The following SNTG1 variants were observed in gnomAD, a reference collection of about 807,000 sequenced individuals.
The protein encoded by SNTG1 is gamma-1-syntrophin.
In SNTG1, 39 loss-of-function variants were observed where a neutral mutation model predicts 74.7. The observed-to-expected ratio is 0.52, with a 90% CI of 0.40 to 0.68. The LOEUF (loss-of-function observed/expected upper bound fraction) is 0.68. Ranked by LOEUF, SNTG1 falls within the 30% of genes least tolerant of loss-of-function variation. The probability of loss-of-function intolerance (pLI) is 0.00; values close to 1 mark genes in which losing one functional copy is unlikely to be tolerated. For missense variants in SNTG1, 685 were observed against 609.5 expected, an observed-to-expected ratio of 1.12 and a Z score of -1.30; for synonymous variants, 254 against 217.1, an observed-to-expected ratio of 1.17 and a Z score of -1.49.
At chr8:50,678,086 C>T (rs1277161275) in intron 15 of SNTG1, among the ~76,000 whole-genome samples, 1 of 151,056 alleles carries the variant, frequency 6.6e-6, no homozygotes, top group East Asian at 2.0e-4. Flanking sequence ...GCACATGTAT[C>T]CCGGAACTTA....
At chr8:49,996,962 A>G (rs1814281456) in intron 1 of SNTG1, among the ~76,000 whole-genome samples, 2 of 152,172 alleles carry the variant, frequency 1.3e-5, no homozygotes, top group Admixed American at 6.6e-5. Context: ...AACTTGTTTT[A>G]TGCTATTTAA....
At chr8:50,559,272 C>T (rs1031635859) in intron 12 of SNTG1, among the ~76,000 whole-genome samples, 1 of 152,020 alleles carries the variant, frequency 6.6e-6, no homozygotes, top group Non-Finnish European at 1.5e-5. Context: ...ATTGCAAAAG[C>T]AATAACAAAA....
At chr8:50,750,201 T>G (rs1207679002) in intron 17 of SNTG1, among the ~76,000 whole-genome samples, 1 of 151,942 alleles carries the variant, frequency 6.6e-6, no homozygotes, top group African/African-American at 2.4e-5. Flanking sequence ...TAAATGCAAA[T>G]GCCATGGAAA....
intron 2 of SNTG1, among the ~76,000 whole-genome samples, chr8:50,376,729 T>TTATATATATATATATA (rs375978893): frequency 8.0e-5 from 8 of 100,606 alleles, no homozygotes; most frequent in Non-Finnish European, 1.4e-4. Context: ...TATTAATAAA[T>TTATATATATATATATA]TATATATATA....
chr8:50,182,797 C>T (rs1257861964), intron 2 of SNTG1, among the ~76,000 whole-genome samples: 1 of 152,236 alleles, frequency 6.6e-6, no homozygotes, highest in African/African-American at 2.4e-5. Flanking sequence ...AGCTCTTCAT[C>T]TTAAACCTGC....
intron 2 of SNTG1, among the ~76,000 whole-genome samples, chr8:50,219,300 A>C (rs181875730): frequency 9.8e-5 from 15 of 152,324 alleles, no homozygotes; most frequent in Non-Finnish European, 1.5e-4. Flanking sequence ...AGAAGGCCTA[A>C]ATCAAAACCT....
intron 1 of SNTG1, among the ~76,000 whole-genome samples, chr8:49,961,403 C>T (rs540971800): frequency 1.8e-4 from 28 of 152,298 alleles, no homozygotes; most frequent in African/African-American, 5.8e-4. Flanking sequence ...ATAATTGGTG[C>T]TTTCTAACCT....
At chr8:50,502,654 A>G in intron 8 of SNTG1, 124 bp from the exon 9 acceptor site, 4 of 700,196 alleles carry the variant, frequency 5.7e-6, no homozygotes, top group Non-Finnish European at 9.5e-6. Flanking sequence ...TATCTTTTAT[A>G]AAATGTTTCT....
intron 2 of SNTG1, among the ~76,000 whole-genome samples, chr8:50,366,422 C>T (rs2092112103): frequency 6.6e-6 from 1 of 152,030 alleles, no homozygotes; most frequent in Non-Finnish European, 1.5e-5. Flanking sequence ...TATCAGAAAT[C>T]ATAACCATGT....
chr8:49,992,807 T>G (rs557507072), intron 1 of SNTG1, among the ~76,000 whole-genome samples: 1 of 152,314 alleles, frequency 6.6e-6, no homozygotes, highest in South Asian at 2.1e-4. Context: ...TATTAATTTA[T>G]AAAAATAGTT....
chr8:50,732,009 C>T (rs917956280), intron 17 of SNTG1, among the ~76,000 whole-genome samples: 1 of 151,932 alleles, frequency 6.6e-6, no homozygotes, highest in Non-Finnish European at 1.5e-5. Context: ...TAAGTATATT[C>T]ATTAACTTCT....
At chr8:50,391,002 C>G (rs2092650478) in intron 2 of SNTG1, among the ~76,000 whole-genome samples, 1 of 152,154 alleles carries the variant, frequency 6.6e-6, no homozygotes. Flanking sequence ...AATATACAAT[C>G]ATGTCATCTG....
At chr8:50,087,638 T>A (rs1401854610) in intron 1 of SNTG1, among the ~76,000 whole-genome samples, 9 of 152,210 alleles carry the variant, frequency 5.9e-5, no homozygotes, top group Admixed American at 5.9e-4. Context: ...AATCAAAGCA[T>A]AAACTTAATA....
chr8:50,107,497 G>A (rs1191269158), intron 1 of SNTG1, among the ~76,000 whole-genome samples: 1 of 152,046 alleles, frequency 6.6e-6, no homozygotes, highest in African/African-American at 2.4e-5. Context: ...AAGTTTAGGA[G>A]TAACTTATCT....
At chr8:50,168,243 T>C (rs2082693151) in intron 1 of SNTG1, among the ~76,000 whole-genome samples, 1 of 152,170 alleles carries the variant, frequency 6.6e-6, no homozygotes, top group Non-Finnish European at 1.5e-5. Context: ...ATTAATTTTA[T>C]TGCTACATAC....
intron 2 of SNTG1, among the ~76,000 whole-genome samples, chr8:50,287,046 G>C (rs1055468602): frequency 1.3e-5 from 2 of 151,966 alleles, no homozygotes; most frequent in South Asian, 4.1e-4. Flanking sequence ...CTTGCCATGT[G>C]CTGACCAACC....
intron 9 of SNTG1, among the ~76,000 whole-genome samples, chr8:50,513,489 GT>G (rs2094103533): frequency 6.6e-6 from 1 of 152,244 alleles, no homozygotes; most frequent in African/African-American, 2.4e-5. Flanking sequence ...GCTGCCTTTT[GT>G]TTGGCTATGC....
At chr8:50,488,830 A>T (rs1213896261) in intron 8 of SNTG1, among the ~76,000 whole-genome samples, 2 of 152,196 alleles carry the variant, frequency 1.3e-5, no homozygotes, top group Non-Finnish European at 2.9e-5. Flanking sequence ...CAGAACGCGC[A>T]GGTTTGTTAC....
intron 1 of SNTG1, among the ~76,000 whole-genome samples, chr8:49,988,675 A>G (rs1370820827): frequency 1.3e-5 from 2 of 152,164 alleles, no homozygotes; most frequent in East Asian, 1.9e-4. Context: ...AGAATAACCA[A>G]TGTATGAATA....
Sources: allele counts gnomAD v4.1 joint callset (sites outside exome capture counted in the v4.1 genomes callset), GRCh38; gene constraint gnomAD v4.1.1; transcripts MANE v1.5; gene names NCBI Gene and HGNC (gene_info 2026-07-23, HGNC 2026-07-21).